YES1: variants seen among roughly 807,000 people sequenced by gnomAD.
YES1 encodes tyrosine-protein kinase Yes.
In YES1, 39 loss-of-function variants were observed where a neutral mutation model predicts 70.4. The ratio of observed to expected loss-of-function variants is 0.55; its 90% CI spans 0.43 to 0.72. The LOEUF is 0.72. Among genes scored for constraint, YES1 ranks in the 30% least tolerant of loss-of-function variants. YES1 has a pLI of 0.00. For synonymous variants in YES1, 198 were observed against 218.6 expected (o/e 0.91, Z 0.83); for missense variants, 495 against 644.8 (o/e 0.77, Z 2.52).
At chr18:734,473 G>C (rs1365767958) in intron 10 of YES1, among the ~76,000 whole-genome samples, 1 of 150,724 alleles carries the variant, frequency 6.6e-6, no homozygotes, top group Admixed American at 6.6e-5. Flanking sequence ...GCAGAATGGC[G>C]AGAACCCGGG....
At chr18:769,031 C>T (rs1481632120) in intron 1 of YES1, among the ~76,000 whole-genome samples, 1 of 151,380 alleles carries the variant, frequency 6.6e-6, no homozygotes, top group African/African-American at 2.4e-5. Flanking sequence ...CAAATACTTA[C>T]CATTGTGTTA....
intron 1 of YES1, among the ~76,000 whole-genome samples, chr18:802,982 C>T (rs1278892377): frequency 6.6e-6 from 1 of 151,290 alleles, no homozygotes; most frequent in Non-Finnish European, 1.5e-5. Flanking sequence ...TTTCCCAGCA[C>T]TTTGGGAGGC....
At chr18:743,537 C>G (rs2080240283) in intron 6 of YES1, 122 bp from the exon 7 acceptor site, 2 of 763,282 alleles carry the variant, frequency 2.6e-6, no homozygotes, top group Non-Finnish European at 3.8e-6. Context: ...GAGTTTTACT[C>G]TAAAAGCACA....
chr18:765,247 ACTATATATAT>A (rs1568204677), intron 1 of YES1, among the ~76,000 whole-genome samples: 1 of 62,394 alleles, frequency 1.6e-5, no homozygotes, highest in African/African-American at 5.6e-5. Context: ...AAGAGTTACA[ACTATATATAT>A]ATATATATAT....
intron 1 of YES1, among the ~76,000 whole-genome samples, chr18:759,462 C>T (rs1032421273): frequency 3.9e-5 from 6 of 152,058 alleles, no homozygotes; most frequent in Admixed American, 6.6e-5. Context: ...AACGAAACTC[C>T]GTCTCAAAAA....
intron 1 of YES1, among the ~76,000 whole-genome samples, chr18:794,236 T>A (rs1391182356): frequency 1.3e-5 from 2 of 152,162 alleles, no homozygotes. Context: ...AAGAACATAA[T>A]AGCCTTTAAG....
chr18:795,872 T>A (rs915897979), intron 1 of YES1, among the ~76,000 whole-genome samples: 27 of 151,018 alleles, frequency 1.8e-4, no homozygotes, highest in African/African-American at 6.1e-4. Context: ...TGTACCCATG[T>A]AACAAACCTG....
chr18:762,873 G>A (rs916239886), intron 1 of YES1, among the ~76,000 whole-genome samples: 5 of 152,140 alleles, frequency 3.3e-5, no homozygotes, highest in African/African-American at 9.7e-5. Flanking sequence ...ATACAACACT[G>A]TACAATGTGA....
chr18:803,070 A>C (rs1906907563), intron 1 of YES1, among the ~76,000 whole-genome samples: 1 of 152,094 alleles, frequency 6.6e-6, no homozygotes, highest in Non-Finnish European at 1.5e-5. Context: ...GAATTTTAAA[A>C]ATTAAAAAAA....
chr18:760,355 C>G (rs928096434), intron 1 of YES1, among the ~76,000 whole-genome samples: 1 of 151,850 alleles, frequency 6.6e-6, no homozygotes, highest in Non-Finnish European at 1.5e-5. Flanking sequence ...CTGTAGTCCC[C>G]GCTACTCGGG....
chr18:776,361 T>A (rs574891181), intron 1 of YES1, among the ~76,000 whole-genome samples: 1 of 152,270 alleles, frequency 6.6e-6, no homozygotes, highest in African/African-American at 2.4e-5. Flanking sequence ...GCCTGGCCAA[T>A]CTTTTAAAAT....
intron 11 of YES1, among the ~76,000 whole-genome samples, chr18:727,419 T>C (rs1330637190): frequency 1.3e-5 from 2 of 152,230 alleles, no homozygotes; most frequent in African/African-American, 4.8e-5. Context: ...CTTATCTTTT[T>C]TTATTGGAAT....
At chr18:740,604 A>AGTGCC (rs1305665361) in intron 8 of YES1, among the ~76,000 whole-genome samples, 1 of 152,216 alleles carries the variant, frequency 6.6e-6, no homozygotes, top group Non-Finnish European at 1.5e-5. Flanking sequence ...AGAGCAGAAC[A>AGTGCC]GTGGGTTTAT....
In YES1 at chr18:743,179, T is replaced by C. The variant is rs981375945; in HGVS notation, c.880+81A>G. The C allele has an allele frequency of 3.2e-5, 49 of 1,554,004 alleles. No individual in the cohort carries two copies. In the Middle Eastern group the frequency reaches 6.9e-4, roughly 22 times the overall value. On this transcript the variant is annotated intron_variant, in intron 7 of 11. Transcript: ENST00000314574. ...CAGTGAACAGCACTTCTCTTAAATA[T>C]TGAAACATATTTTATCATAAATTGT...
chr18:748,545 C>G (rs1017518930), intron 3 of YES1, among the ~76,000 whole-genome samples: 1 of 152,094 alleles, frequency 6.6e-6, no homozygotes, highest in African/African-American at 2.4e-5. Flanking sequence ...CTCTGCACCC[C>G]CAACTACCTC....
chr18:770,548 C>T (rs908210309), intron 1 of YES1, among the ~76,000 whole-genome samples: 2 of 152,174 alleles, frequency 1.3e-5, no homozygotes, highest in African/African-American at 4.8e-5. Flanking sequence ...CTTTGCCCTA[C>T]AACTTCTTGC....
chr18:763,747 G>A (rs1253985037), intron 1 of YES1, among the ~76,000 whole-genome samples: 1 of 151,450 alleles, frequency 6.6e-6, no homozygotes, highest in East Asian at 1.9e-4. Flanking sequence ...ACAGTGTGGG[G>A]CCAGTGATAA....
intron 11 of YES1, among the ~76,000 whole-genome samples, chr18:732,462 ACAC>A (rs1202197087): frequency 6.7e-6 from 1 of 149,678 alleles, no homozygotes; most frequent in Non-Finnish European, 1.5e-5. Context: ...AAAAAACAAA[ACAC>A]CAATCACACT....
intron 1 of YES1, among the ~76,000 whole-genome samples, chr18:807,331 CAAA>C (rs34717750): frequency 4.1e-4 from 52 of 125,622 alleles, no homozygotes; most frequent in Admixed American, 4.9e-4. Flanking sequence ...GATACTTCAT[CAAA>C]AAAAAAAAAA....
Sources: gnomAD v4.1 joint callset for allele counts (sites outside exome capture counted in the v4.1 genomes callset) on GRCh38, gnomAD v4.1.1 for gene constraint, MANE v1.5 for transcripts, NCBI Gene and HGNC (gene_info 2026-07-23, HGNC 2026-07-21) for gene names.